The following SELENBP1 variants were observed in gnomAD, a reference collection of about 807,000 sequenced individuals.
SELENBP1 encodes the protein selenium binding protein 1, also known as methanethiol oxidase.
A neutral mutation model predicts 61.0 loss-of-function variants in SELENBP1; 71 were observed. The observed-to-expected ratio is 1.16, with a 90% CI of 0.96 to 1.42. SELENBP1 has a LOEUF of 1.42. Ranked by LOEUF, SELENBP1 falls within the 40% of genes most tolerant of loss-of-function variation. The pLI, the probability that SELENBP1 is intolerant of heterozygous loss-of-function variation, is 0.00. For missense variants in SELENBP1, 561 were observed against 605.0 expected, an observed-to-expected ratio of 0.93 and a Z score of 0.76; for synonymous variants, 270 against 238.9, an observed-to-expected ratio of 1.13 and a Z score of -1.20.
chr1:151,369,395 A>G (rs1436957269), intron 3 of SELENBP1, 47 bp downstream of exon 3: 23 of 1,546,504 alleles, frequency 1.5e-5, no homozygotes, highest in Non-Finnish European at 1.9e-5. Context: ...GCCAGGGATG[A>G]GGGCAGCTAT....
intron 1 of SELENBP1, among the ~76,000 whole-genome samples, chr1:151,370,453 T>C (rs1652086556): frequency 6.6e-6 from 1 of 152,156 alleles, no homozygotes; most frequent in Non-Finnish European, 1.5e-5. Context: ...CAACTGGAAG[T>C]CCTCAGGCTG....
chr1:151,365,709 C>T, intron 8 of SELENBP1, 25 bp from the exon 9 acceptor site: 1 of 1,614,084 alleles, frequency 6.2e-7, no homozygotes, highest in Non-Finnish European at 8.5e-7. Flanking sequence ...CGAGTAGAGC[C>T]TTTAAGGACT....
At chr1:151,367,918 C>T (rs569743494) in intron 5 of SELENBP1, among the ~76,000 whole-genome samples, 36 of 152,320 alleles carry the variant, frequency 2.4e-4, no homozygotes, top group African/African-American at 7.7e-4. Context: ...CCGCTGGCCT[C>T]GGCCTCTTGA....
chr1:151,367,540 T>G (rs1651912848), intron 5 of SELENBP1, among the ~76,000 whole-genome samples: 1 of 152,058 alleles, frequency 6.6e-6, no homozygotes, highest in Non-Finnish European at 1.5e-5. Context: ...CCACGAGATC[T>G]TCTGGGACTC....
At chr1:151,369,373 G>C (rs940957020) in intron 3 of SELENBP1, 69 bp downstream of exon 3, 9 of 1,479,820 alleles carry the variant, frequency 6.1e-6, no homozygotes, top group Admixed American at 1.9e-5. Context: ...AGCTGGGAAG[G>C]GGGGGCCCAG....
In SELENBP1 at chr1:151,369,130, G is replaced by T. The variant is rs751216442; in HGVS notation, c.234C>A (p.Asn78Lys). 8 of 1,614,068 alleles carry T rather than the reference G, an allele frequency of 5.0e-6. No homozygotes were observed. Among genetic ancestry groups the T allele is most frequent in the South Asian group, 1.1e-5 (1 of 91,080 alleles). Residue 78 changes from asparagine to lysine, a missense_variant, in exon 4 of 12, where the codon AAC (asparagine) becomes AAA (lysine). By Grantham distance (94) the Asn-to-Lys change is moderately conservative (BLOSUM62 0). Coordinates refer to ENST00000368868, the MANE Select transcript of SELENBP1 (RefSeq NM_003944.4). ...LKDELHHSGW[N>K]TCSSCFGDST... is the part of the protein sequence containing the mutation. ...TATCACCGAAGCAGCTGCTGCAGGT[G>T]TTCCATCCTGAGTGATGCAGCTCGT...
chr1:151,369,777 A>G lies in SELENBP1; in HGVS notation c.5-8T>C. On this transcript the variant is annotated splice_region_variant and splice_polypyrimidine_tract_variant and intron_variant, in intron 1 of 11. Transcript: ENST00000368868. ...AATTCCCACATTTCGTAGCTGTGGA[A>G]GCAATGGGGCGCATTGGCTGGGCCA... 6.4e-7 allele frequency: 1 copy of G among 1,552,060 alleles called. No homozygotes were observed. Among genetic ancestry groups the G allele is most frequent in the Non-Finnish European group, 8.7e-7 (1 of 1,147,178 alleles).
Position 151,365,289 on chromosome 1 carries a change from G to C in SELENBP1, c.1045-8C>G, listed in dbSNP as rs779783092. 1.9e-6 allele frequency: 3 copies of C among 1,610,560 alleles called. No homozygotes were observed. The highest frequency in any genetic ancestry group is 2.5e-6 in the Non-Finnish European group (3 of 1,178,194). On this transcript the variant is annotated splice_polypyrimidine_tract_variant and splice_region_variant and intron_variant, in intron 9 of 11. Transcript: ENST00000368868. ...GCTGCCTCCGAGGAAGAGCTAGATG[G>C]GGAGGTGCAGAGTATAAGGAGGACC...
chr1:151,372,626 C>T lies in SELENBP1; in HGVS notation c.4+12G>A, dbSNP rs1333191908. On this transcript the variant is annotated intron_variant, in intron 1 of 11. Coordinates refer to ENST00000368868, the MANE Select transcript of SELENBP1 (RefSeq NM_003944.4). Reference sequence around the variant, plus strand: ...GAGCAGGCAATGGGTGATTGGAAACCCCTCTCCTTACCCATGCTGCCGACT... The same window carrying T: ...GAGCAGGCAATGGGTGATTGGAAACTCCTCTCCTTACCCATGCTGCCGACT... 3 of 1,614,138 alleles carry T rather than the reference C, an allele frequency of 1.9e-6. No homozygotes were observed. The African/African-American group carries it at 4.0e-5, about 22-fold the overall frequency.
rs989138928 is a variant in SELENBP1 at position 151,365,912 on chromosome 1, G to A, written c.844-66C>T. The A allele has an allele frequency of 4.5e-6, 7 of 1,569,964 alleles. No individual in the cohort carries two copies. The African/African-American group carries it at 6.8e-5, about 15-fold the overall frequency. ...GTCAGCCTATCAGAATTGGGGACTA[G>A]GGGTTAGATCTGGGTTGCCCAGACC... On this transcript the variant is annotated intron_variant, in intron 7 of 11. Transcript: ENST00000368868.
At chr1:151,366,609 A>G (rs971349756) in intron 6 of SELENBP1, 113 bp downstream of exon 6, 4 of 1,423,636 alleles carry the variant, frequency 2.8e-6, no homozygotes, top group African/African-American at 1.4e-5. Flanking sequence ...ATCCTATGCC[A>G]TCTCTCTTAG....
At position 151,366,407 on chromosome 1, in the gene SELENBP1, C is replaced by T; in HGVS notation, c.711G>A (p.Glu237=). 6 of 1,614,096 alleles carry T rather than the reference C, an allele frequency of 3.7e-6. No individual in the cohort carries two copies. The highest frequency in any genetic ancestry group is 5.1e-6 in the Non-Finnish European group (6 of 1,180,040). Residue 237 remains glutamate (E), a synonymous_variant, in exon 7 of 12, where the codon GAG becomes GAA. Coordinates refer to ENST00000368868, the MANE Select transcript of SELENBP1 (RefSeq NM_003944.4). The part of the protein sequence containing the change: ...HLYVWDWQRH[E]IVQTLSLKDG... ...CTTTTAGAGACAGGGTCTGCACAAT[C>T]TCATGGCGCTGCCAGTCCCATACAT...
chr1:151,372,295 G>T (rs148032969), intron 1 of SELENBP1, among the ~76,000 whole-genome samples: 2 of 152,216 alleles, frequency 1.3e-5, no homozygotes, highest in African/African-American at 2.4e-5. Flanking sequence ...TCTCTACTAT[G>T]TGAGGGCCAG....
intron 3 of SELENBP1, 30 bp from the exon 4 acceptor site, chr1:151,369,219 C>T: frequency 6.3e-7 from 1 of 1,595,558 alleles, no homozygotes; most frequent in Non-Finnish European, 8.6e-7. Flanking sequence ...GGTGCTCCCC[C>T]AGGCCACGCC....
chr1:151,367,628 A>G (rs553759589), intron 5 of SELENBP1, among the ~76,000 whole-genome samples: 6 of 152,236 alleles, frequency 3.9e-5, no homozygotes, highest in African/African-American at 7.2e-5. Flanking sequence ...CATTCTGCTC[A>G]CTACATTTTT....
rs1361085735 is a variant in SELENBP1 at position 151,365,641 on chromosome 1, G to A, written c.966C>T (p.Leu322=). 1.2e-6 allele frequency: 2 copies of A among 1,614,062 alleles called. No individual in the cohort carries two copies. The highest frequency in any genetic ancestry group is 1.7e-6 in the Non-Finnish European group (2 of 1,180,052). The change falls in exon 9 of 12, where the codon CTC becomes CTT. Residue 322 remains leucine, a synonymous_variant. Transcript: ENST00000368868. ...CCCCATGCAGCCAGTTGCTGAAGTA[G>A]AGGAAGCGGTCGTCCAGGGAGAGCA... ...DILLSLDDRF[L]YFSNWLHGDL...
intron 6 of SELENBP1, 65 bp from the exon 7 acceptor site, chr1:151,366,518 T>C: frequency 6.4e-7 from 1 of 1,557,142 alleles, no homozygotes; most frequent in Non-Finnish European, 8.8e-7. Context: ...GGGCAAAGAC[T>C]GGGCCACCAA....
rs1651768491 is a variant in SELENBP1 at position 151,365,592 on chromosome 1, CAG to C, written c.1013_1014del (p.Ser338Ter). On this transcript the variant is annotated frameshift_variant, in exon 9 of 12. Transcript: ENST00000368868. LOFTEE classifies it high-confidence loss of function. The part of the protein sequence containing the change: ...LHGDLRQYDI[S>X]DPQRPRLTGQ... Reference sequence around the variant, plus strand: ...CCTGTGAGGCGGGGTCTCTGTGGGTCAGAGATGTCATACTGCCTCAGGTCCCC... The same window carrying C: ...CCTGTGAGGCGGGGTCTCTGTGGGTCAGATGTCATACTGCCTCAGGTCCCC... 1 of 1,614,022 alleles carries C rather than the reference CAG, an allele frequency of 6.2e-7. No homozygotes were observed. The highest frequency in any genetic ancestry group is 1.1e-5 in the South Asian group (1 of 91,084).
chr1:151,365,507 C>G, intron 9 of SELENBP1, 56 bp downstream of exon 9: 1 of 1,610,056 alleles, frequency 6.2e-7, no homozygotes, highest in Non-Finnish European at 8.5e-7. Flanking sequence ...CACCCCATCC[C>G]CAGCTTCTCT....
Sources: gnomAD v4.1 joint callset for allele counts (sites outside exome capture counted in the v4.1 genomes callset) on GRCh38, gnomAD v4.1.1 for gene constraint, MANE v1.5 for transcripts, NCBI Gene and HGNC (gene_info 2026-07-23, HGNC 2026-07-21) for gene names.